The following KAZN variants were observed in gnomAD, a reference collection of about 807,000 sequenced individuals.
KAZN encodes kazrin.
In KAZN, 40 loss-of-function variants were observed where a neutral mutation model predicts 87.4. The observed-to-expected ratio is 0.46, with a 90% CI of 0.36 to 0.60. The LOEUF (loss-of-function observed/expected upper bound fraction) is 0.60. Among genes scored for constraint, KAZN ranks in the 20% least tolerant of loss-of-function variants. The probability of loss-of-function intolerance (pLI) is 0.00; values close to 1 mark genes in which losing one functional copy is unlikely to be tolerated. For missense variants in KAZN, 898 were observed against 1,073.9 expected, an observed-to-expected ratio of 0.84 and a Z score of 2.29; for synonymous variants, 466 against 458.3, an observed-to-expected ratio of 1.02 and a Z score of -0.22.
intron 2 of KAZN, among the ~76,000 whole-genome samples, chr1:14,555,839 A>G (rs923917026): frequency 5.3e-5 from 8 of 152,234 alleles, no homozygotes; most frequent in Non-Finnish European, 1.0e-4. Flanking sequence ...ATGTTTGTAC[A>G]AAGGTGTTTG....
At chr1:15,048,422 A>ATGTGTGTGTGTGTG (rs111596883) in intron 4 of KAZN, among the ~76,000 whole-genome samples, 2 of 150,820 alleles carry the variant, frequency 1.3e-5, no homozygotes, top group South Asian at 4.2e-4. Flanking sequence ...ATGTGTGTGT[A>ATGTGTGTGTGTGTG]TGTGTGTGTG....
intron 1 of KAZN, among the ~76,000 whole-genome samples, chr1:14,095,669 G>T (rs986862191): frequency 5.9e-5 from 9 of 152,230 alleles, no homozygotes; most frequent in African/African-American, 1.7e-4. Context: ...AGGTGGGAGT[G>T]TCAACTGAGG....
At chr1:14,079,078 T>A (rs1327483732) in intron 1 of KAZN, among the ~76,000 whole-genome samples, 1 of 152,066 alleles carries the variant, frequency 6.6e-6, no homozygotes, top group Non-Finnish European at 1.5e-5. Context: ...AGAAAAGAGG[T>A]TCATTTGGCT....
chr1:15,112,363 G>A (rs1641665584), intron 13 of KAZN, 64 bp from the exon 14 acceptor site: 1 of 731,420 alleles, frequency 1.4e-6, no homozygotes. Flanking sequence ...GTGTGTGTGT[G>A]TGTGTGTGTG....
At chr1:14,847,621 C>T (rs1401532237) in intron 1 of KAZN, among the ~76,000 whole-genome samples, 6 of 152,204 alleles carry the variant, frequency 3.9e-5, no homozygotes, top group Admixed American at 2.6e-4. Context: ...CTCCCCCACC[C>T]AAATCTGTTC....
At chr1:13,946,355 G>A (rs923575290) in intron 1 of KAZN, among the ~76,000 whole-genome samples, 1 of 152,078 alleles carries the variant, frequency 6.6e-6, no homozygotes, top group Non-Finnish European at 1.5e-5. Flanking sequence ...GTTTCAAAAC[G>A]GGATTTTCCT....
intron 1 of KAZN, among the ~76,000 whole-genome samples, chr1:14,605,761 T>C (rs1677310165): frequency 1.3e-5 from 2 of 152,192 alleles, no homozygotes; most frequent in South Asian, 4.1e-4. Flanking sequence ...TAAGTGGACC[T>C]GCACAATTCA....
At chr1:14,122,059 G>A (rs1335317848) in intron 1 of KAZN, among the ~76,000 whole-genome samples, 1 of 152,168 alleles carries the variant, frequency 6.6e-6, no homozygotes, top group African/African-American at 2.4e-5. Context: ...CTGAGCAAAG[G>A]AGAGATACAA....
intron 1 of KAZN, among the ~76,000 whole-genome samples, chr1:14,093,181 C>G (rs571419284): frequency 6.6e-6 from 1 of 152,150 alleles, no homozygotes; most frequent in Non-Finnish European, 1.5e-5. Context: ...AGCCACTGCC[C>G]GTCAAGAAAT....
At chr1:15,087,672 C>A (rs1479406568) in intron 8 of KAZN, among the ~76,000 whole-genome samples, 3 of 152,212 alleles carry the variant, frequency 2.0e-5, no homozygotes, top group African/African-American at 7.2e-5. Flanking sequence ...CAGGCATGAG[C>A]CACCACACCC....
rs116193149 is a variant in KAZN, at chr1:14,120,547, A to G, written c.92-59888A>G. Among the ~76,000 whole-genome samples, 683 of 152,292 alleles carry G rather than the reference A, an allele frequency of 4.5e-3. 4 individuals carry two copies. The highest frequency in any genetic ancestry group is 0.016 in the African/African-American group (652 of 41,550). The stretch of plus-strand genomic sequence containing the variant: ...TTACCTCAAGGTTAAGTTTAACATC[A>G]GTAGATGGTAGATGCCCGTCTTCCT... On this transcript the variant is annotated intron_variant, in intron 1 of 16. Transcript: ENST00000636203.
intron 8 of KAZN, chr1:15,067,588 T>C (rs1381372872): frequency 5.1e-6 from 5 of 985,336 alleles, no homozygotes; most frequent in Non-Finnish European, 6.0e-6. Flanking sequence ...CATTTTCAGC[T>C]CTTAAAAAGA....
chr1:14,145,445 GA>G (rs943920251), intron 1 of KAZN, among the ~76,000 whole-genome samples: 1 of 151,654 alleles, frequency 6.6e-6, no homozygotes, highest in African/African-American at 2.4e-5. Context: ...CCATGTCTCT[GA>G]AAAAAAGACA....
intron 1 of KAZN, among the ~76,000 whole-genome samples, chr1:14,078,137 A>G (rs533621379): frequency 6.6e-6 from 1 of 152,240 alleles, no homozygotes; most frequent in African/African-American, 2.4e-5. Flanking sequence ...TTACTTCTCC[A>G]TGTGGTTTAG....
At chr1:14,019,542 A>G (rs1018959157) in intron 1 of KAZN, among the ~76,000 whole-genome samples, 10 of 152,150 alleles carry the variant, frequency 6.6e-5, no homozygotes, top group Admixed American at 2.6e-4. Context: ...CACCATGACC[A>G]GCACAACTTC....
intron 1 of KAZN, among the ~76,000 whole-genome samples, chr1:14,857,828 TGAGATA>T (rs1650307121): frequency 8.4e-6 from 1 of 118,356 alleles, no homozygotes; most frequent in Non-Finnish European, 1.7e-5. Flanking sequence ...ACAGGTTTCT[TGAGATA>T]TAGTTCATAT....
intron 2 of KAZN, among the ~76,000 whole-genome samples, chr1:14,394,991 A>G (rs777612388): frequency 3.3e-5 from 5 of 152,194 alleles, no homozygotes; most frequent in Non-Finnish European, 7.3e-5. Flanking sequence ...ATCTCTTTGA[A>G]GGCAAAGACT....
chr1:14,415,040 C>T (rs1036890054), intron 2 of KAZN, among the ~76,000 whole-genome samples: 3 of 151,940 alleles, frequency 2.0e-5, no homozygotes, highest in Non-Finnish European at 4.4e-5. Flanking sequence ...TAAATAAATA[C>T]GTACGTACAT....
chr1:14,564,464 T>C (rs1402420746), intron 2 of KAZN, among the ~76,000 whole-genome samples: 2 of 152,032 alleles, frequency 1.3e-5, no homozygotes, highest in East Asian at 1.9e-4. Flanking sequence ...GGGATGATAA[T>C]AGAAGCTACC....
Sources: allele counts gnomAD v4.1 joint callset (sites outside exome capture counted in the v4.1 genomes callset), GRCh38; gene constraint gnomAD v4.1.1; transcripts MANE v1.5; gene names NCBI Gene and HGNC (gene_info 2026-07-23, HGNC 2026-07-21).